PAM16: variants seen among roughly 807,000 people sequenced by gnomAD.
PAM16 encodes the protein mitochondrial import inner membrane translocase subunit TIM16.
Under a neutral mutation model 17.9 loss-of-function variants are expected in PAM16, and 11 were observed. The ratio of observed to expected loss-of-function variants is 0.62; its 90% CI spans 0.39 to 1.02. The LOEUF is 1.02. PAM16 is among the 50% of genes least tolerant of loss of function. PAM16 has a pLI of 0.01. For synonymous variants in PAM16, 72 were observed against 67.4 expected, an observed-to-expected ratio of 1.07 and a Z score of -0.34; for missense variants, 199 against 165.4, an observed-to-expected ratio of 1.20 and a Z score of -1.11.
intron 2 of PAM16, among the ~76,000 whole-genome samples, chr16:4,342,146 C>T (rs531124259): frequency 1.3e-5 from 2 of 152,076 alleles, no homozygotes; most frequent in South Asian, 2.1e-4. Context: ...GTCAAGAGAT[C>T]GAGACCATCC....
intron 1 of PAM16, chr16:4,345,686 C>T (rs1473002568): frequency 4.9e-5 from 9 of 182,086 alleles, no homozygotes; most frequent in Non-Finnish European, 8.4e-5. Context: ...AGAAAGAGCC[C>T]AGAGAAGACC....
chr16:4,343,021 C>T (rs373900812), intron 2 of PAM16, among the ~76,000 whole-genome samples, 186 bp downstream of exon 2: 1 of 152,230 alleles, frequency 6.6e-6, no homozygotes, highest in Admixed American at 6.5e-5. Flanking sequence ...CCAGCTCCTG[C>T]CCTGGATGCT....
chr16:4,342,964 A>C (rs958600671), intron 2 of PAM16, among the ~76,000 whole-genome samples: 2 of 152,226 alleles, frequency 1.3e-5, no homozygotes, highest in Admixed American at 6.5e-5. Context: ...TCTCCAAAAA[A>C]AGAAAAAACA....
At chr16:4,342,023 G>A (rs976359310) in intron 2 of PAM16, among the ~76,000 whole-genome samples, 6 of 152,156 alleles carry the variant, frequency 3.9e-5, no homozygotes, top group Non-Finnish European at 5.9e-5. Context: ...GCGGGCTAAT[G>A]AGCCTACACT....
At chr16:4,342,217 G>C (rs1179823404) in intron 2 of PAM16, among the ~76,000 whole-genome samples, 5 of 152,352 alleles carry the variant, frequency 3.3e-5, no homozygotes, top group African/African-American at 1.2e-4. Context: ...AATCAGCTGG[G>C]TGTGGTGGCA....
chr16:4,341,712 G>A (rs575472612), intron 2 of PAM16: 2 of 807,482 alleles, frequency 2.5e-6, no homozygotes, highest in Non-Finnish European at 3.8e-6. Context: ...TGGAGGGTAA[G>A]GGCAGGATCT....
intron 2 of PAM16, chr16:4,341,743 G>C: frequency 1.6e-6 from 1 of 623,182 alleles, no homozygotes; most frequent in Non-Finnish European, 2.7e-6. Context: ...CCTGGCTCCT[G>C]GTCCCCAACC....
intron 3 of PAM16, among the ~76,000 whole-genome samples, 180 bp downstream of exon 3, chr16:4,341,188 C>T (rs1406926379): frequency 1.3e-5 from 2 of 152,340 alleles, no homozygotes; most frequent in East Asian, 3.9e-4. Flanking sequence ...CACTCTTTGT[C>T]TCTAGACTGT....
chr16:4,340,476 C>A, intron 4 of PAM16, 71 bp from the exon 5 acceptor site: 1 of 1,520,582 alleles, frequency 6.6e-7, no homozygotes, highest in South Asian at 1.1e-5. Context: ...CATGGGATGG[C>A]CTATTCCCAT....
At chr16:4,349,095 A>G (rs555992601) in intron 1 of PAM16, among the ~76,000 whole-genome samples, 3 of 151,862 alleles carry the variant, frequency 2.0e-5, no homozygotes, top group East Asian at 3.9e-4. Flanking sequence ...AGCTGGGACT[A>G]CAGGTGCCTG....
chr16:4,345,857 C>T (rs1366810478), intron 1 of PAM16: 36 of 985,262 alleles, frequency 3.7e-5, no homozygotes, highest in Non-Finnish European at 4.2e-5. Flanking sequence ...CTGGTGCTGT[C>T]TGAAGGACAG....
chr16:4,350,055 T>C (rs950278721), intron 1 of PAM16, among the ~76,000 whole-genome samples: 3 of 152,110 alleles, frequency 2.0e-5, no homozygotes, highest in African/African-American at 4.8e-5. Context: ...ACAGAGTCAC[T>C]TGGGGAACTT....
rs113182008 is a variant in PAM16 at position 4,348,662 on chromosome 16, C to CT, written c.3+2569dup. 190 of 149,716 alleles carry CT rather than the reference C, an allele frequency of 1.3e-3. 1 individual carries two copies. Among genetic ancestry groups the CT allele is most frequent in the African/African-American group, 4.2e-3 (172 of 40,910 alleles). The allele number at this position is 149,716 out of a possible 1,614,324, so 9.3% of individuals were successfully genotyped here. A position where few individuals can be genotyped will look rare whatever the true frequency, so the allele number is the denominator to read the frequency against. On this transcript the variant is annotated intron_variant, in intron 1 of 4. Coordinates refer to ENST00000318059, the MANE Select transcript of PAM16 (RefSeq NM_016069.11). ...CATGTATACCTTCCGACAGCACTTTCTTTTTTTTTTGGAGATGGAGTCTTG... is the reference window on the plus strand; with the variant it reads ...CATGTATACCTTCCGACAGCACTTTCTTTTTTTTTTTGGAGATGGAGTCTTG...
chr16:4,342,313 G>A (rs2053661085), intron 2 of PAM16, among the ~76,000 whole-genome samples: 3 of 151,256 alleles, frequency 2.0e-5, no homozygotes, highest in Admixed American at 1.3e-4. Flanking sequence ...AGCCAAGATC[G>A]CACCATTGCA....
In PAM16 at chr16:4,340,981, T is replaced by G; in HGVS notation, c.230A>C (p.Tyr77Ser). 6.2e-7 allele frequency: 1 copy of G among 1,613,580 alleles called. No homozygotes were observed. Among genetic ancestry groups the G allele is most frequent in the Non-Finnish European group, 8.5e-7 (1 of 1,179,978 alleles). Residue 77 changes from tyrosine to serine, a missense_variant, in exon 4 of 5, where the codon TAT becomes TCT. By Grantham distance (144) the Tyr-to-Ser change is moderately radical. Transcript: ENST00000318059. Reference protein sequence around the residue: ...KLSPEEVQKNYEHLFKVNDKS... With the variant: ...KLSPEEVQKNSEHLFKVNDKS... ...ATCATTCACCTTAAATAAGTGTTCA[T>G]AGTTCTGCAGAGGAGAGGGGACGGG...
At chr16:4,344,089 T>A in intron 1 of PAM16, 1 of 397,546 alleles carries the variant, frequency 2.5e-6, no homozygotes. Context: ...ACTGCACGTG[T>A]GATTCCATGC....
intron 1 of PAM16, chr16:4,346,136 G>A (rs193171388): frequency 4.7e-6 from 1 of 210,892 alleles, no homozygotes; most frequent in African/African-American, 2.3e-5. Context: ...GCAGGGCAGA[G>A]GGGGGCTGGC....
chr16:4,345,011 G>A (rs2053732479), intron 1 of PAM16, among the ~76,000 whole-genome samples: 2 of 152,136 alleles, frequency 1.3e-5, no homozygotes, highest in African/African-American at 4.8e-5. Context: ...AGCCTAGGCT[G>A]GCCTGGGAAA....
intron 1 of PAM16, chr16:4,343,514 G>C (rs1358052408): frequency 7.0e-7 from 1 of 1,427,660 alleles, no homozygotes. Flanking sequence ...GAACTTGACC[G>C]AGCTCCCAGA....
Sources: allele counts gnomAD v4.1 joint callset (sites outside exome capture counted in the v4.1 genomes callset), GRCh38; gene constraint gnomAD v4.1.1; transcripts MANE v1.5; gene names NCBI Gene and HGNC (gene_info 2026-07-23, HGNC 2026-07-21).